Variants in RAB30 observed in about 807,000 individuals in gnomAD.
RAB30 encodes ras-related protein Rab-30.
In RAB30, 9 loss-of-function variants were observed where a neutral mutation model predicts 25.1. The observed-to-expected ratio is 0.36, with a 90% CI of 0.22 to 0.63. The LOEUF (loss-of-function observed/expected upper bound fraction) is 0.63. RAB30 is among the 20% of genes least tolerant of loss of function. The probability of loss-of-function intolerance (pLI) is 0.69; values close to 1 mark genes in which losing one functional copy is unlikely to be tolerated. For missense variants in RAB30, 140 were observed against 243.5 expected, an observed-to-expected ratio of 0.58 and a Z score of 2.83; for synonymous variants, 77 against 86.4, an observed-to-expected ratio of 0.89 and a Z score of 0.60.
At position 83,045,153 on chromosome 11, in the gene RAB30, G is replaced by A. The variant is rs184209393; in HGVS notation, c.-9+26538C>T. The stretch of plus-strand genomic sequence containing the variant: ...ACTGAACTCCCATTGACTCATCACC[G>A]GAAGTGTCAACTGTTTAAAGAAGGG... On this transcript the variant is annotated intron_variant, in intron 1 of 4. Transcript: ENST00000527633. 3.4e-3 allele frequency among the ~76,000 whole-genome samples: 524 copies of A among 152,196 alleles called. 10 individuals carry two copies. The highest frequency in any genetic ancestry group is 5.6e-3 in the East Asian group (29 of 5,188).
Position 82,973,802 on chromosome 11 carries a change from T to C in RAB30, c.*8363A>G, listed in dbSNP as rs1185046149. ...AAAACATACACCCATACAAAAAACT[T>C]TTACATAAATGTTCACAGCAGCATT... On this transcript the variant is annotated 3_prime_UTR_variant, in exon 5 of 5. Transcript: ENST00000527633. 6.6e-6 allele frequency: 1 copy of C among 152,176 alleles called. No individual in the cohort carries two copies. Among genetic ancestry groups the C allele is most frequent in the Non-Finnish European group, 1.5e-5 (1 of 68,014 alleles). 9.4% of individuals were successfully genotyped at this position (152,176 alleles called of 1,614,324 possible). A position where few individuals can be genotyped will look rare whatever the true frequency, so the allele number is the denominator to read the frequency against.
At position 83,064,220 on chromosome 11, in the gene RAB30, C is replaced by T. The variant is rs191357428; in HGVS notation, c.-9+7471G>A. 3.9e-5 allele frequency among the ~76,000 whole-genome samples: 6 copies of T among 152,262 alleles called. No homozygotes were observed. The East Asian group carries it at 1.2e-3, about 29-fold the overall frequency. ...CCTCCTGCCTCAGCCGCACCCTTCC[C>T]CATAGCTGGGACACAGGTGTGCGCC... On this transcript the variant is annotated intron_variant, in intron 1 of 4. Transcript: ENST00000527633.
At chr11:83,034,726 C>A (rs1857950342) in intron 1 of RAB30, 1 of 152,162 alleles carries the variant, frequency 6.6e-6, no homozygotes. Flanking sequence ...TGAGCACTTA[C>A]TATGTATCAG....
In RAB30 at chr11:82,992,237, C is replaced by T. The variant is rs1222106228; in HGVS notation, c.177+1802G>A. ...ACACTCCTGTCTCTCTTTCCTGTCC[C>T]CACAGCCTAGCTCCTTCTTCCCACC... is the stretch of plus-strand genomic sequence containing the variant. On this transcript the variant is annotated intron_variant, in intron 3 of 4. Transcript: ENST00000527633. The T allele has an allele frequency of 6.7e-6, 3 of 450,842 alleles. No individual in the cohort carries two copies. The Admixed American group carries it at 7.1e-5, about 11-fold the overall frequency. The allele number at this position is 450,842 out of a possible 1,614,324, so 27.9% of individuals were successfully genotyped here. A position where few individuals can be genotyped will look rare whatever the true frequency, so the allele number is the denominator to read the frequency against.
Position 82,982,926 on chromosome 11 carries a change from T to C in RAB30, c.362-511A>G, listed in dbSNP as rs1590831536. 3.3e-5 allele frequency among the ~76,000 whole-genome samples: 5 copies of C among 152,262 alleles called. No individual in the cohort carries two copies. The South Asian group carries it at 1.0e-3, about 32-fold the overall frequency. On this transcript the variant is annotated intron_variant, in intron 4 of 4. Transcript: ENST00000527633. ...TGGCAAGAACTGGAGACAACCCAAATGTCCATCGGTAGGGCACTGACTGAA... is the reference window on the plus strand; with the variant it reads ...TGGCAAGAACTGGAGACAACCCAAACGTCCATCGGTAGGGCACTGACTGAA...
intron 1 of RAB30, among the ~76,000 whole-genome samples, chr11:83,027,542 G>A (rs192380020): frequency 9.2e-5 from 14 of 152,186 alleles, no homozygotes; most frequent in Admixed American, 2.0e-4. Flanking sequence ...TCACCGTACC[G>A]TGAGGCTCAG....
At chr11:83,002,728 GT>G (rs1857111591) in intron 1 of RAB30, among the ~76,000 whole-genome samples, 1 of 152,028 alleles carries the variant, frequency 6.6e-6, no homozygotes. Context: ...AGGAGTTCAA[GT>G]TTGCAGTGAC....
chr11:83,032,087 G>A (rs1212375586), intron 1 of RAB30, among the ~76,000 whole-genome samples: 2 of 152,142 alleles, frequency 1.3e-5, no homozygotes, highest in African/African-American at 2.4e-5. Context: ...TATTCCATAT[G>A]TCCAGTGTGT....
rs1375351464 is a variant in RAB30 at position 82,973,478 on chromosome 11, T to C, written c.*8687A>G. The C allele has an allele frequency of 6.6e-6, 1 of 152,230 alleles. No individual in the cohort carries two copies. The highest frequency in any genetic ancestry group is 1.9e-4 in the East Asian group (1 of 5,204). 9.4% of individuals were successfully genotyped at this position (152,230 alleles called of 1,614,324 possible). A position where few individuals can be genotyped will look rare whatever the true frequency, so the allele number is the denominator to read the frequency against. On this transcript the variant is annotated 3_prime_UTR_variant, in exon 5 of 5. Coordinates refer to ENST00000527633, the MANE Select transcript of RAB30 (RefSeq NM_001286060.2). ...GAGTACTCTTATCCAGCATGATTTG[T>C]AGTTGTCCTTTAAACAATGCAGAGG...
At chr11:83,070,084 T>G (rs1590886656) in intron 1 of RAB30, among the ~76,000 whole-genome samples, 1 of 111,812 alleles carries the variant, frequency 8.9e-6, no homozygotes, top group African/African-American at 3.6e-5. Flanking sequence ...AAACTGCAAA[T>G]GGAGAGATAG....
At chr11:83,014,961 T>G (rs1314207987) in intron 1 of RAB30, among the ~76,000 whole-genome samples, 3 of 151,978 alleles carry the variant, frequency 2.0e-5, no homozygotes, top group Non-Finnish European at 4.4e-5. Flanking sequence ...ACAATGAGCT[T>G]GGCATGTTCA....
intron 1 of RAB30, among the ~76,000 whole-genome samples, chr11:83,066,741 G>A (rs1858708332): frequency 2.0e-5 from 3 of 152,084 alleles, no homozygotes; most frequent in South Asian, 2.1e-4. Flanking sequence ...TAGTAGAGAC[G>A]GGGTTTCACC....
chr11:83,032,839 CAT>C (rs555012175), intron 1 of RAB30, among the ~76,000 whole-genome samples: 32 of 152,132 alleles, frequency 2.1e-4, no homozygotes, highest in African/African-American at 7.7e-4. Flanking sequence ...TTGGGAGTAA[CAT>C]CAGGGAACAT....
At chr11:83,061,595 C>T (rs1173198414) in intron 1 of RAB30, among the ~76,000 whole-genome samples, 1 of 151,546 alleles carries the variant, frequency 6.6e-6, no homozygotes, top group Non-Finnish European at 1.5e-5. Context: ...TGTGTGTGTG[C>T]ACACGTGTGT....
intron 1 of RAB30, among the ~76,000 whole-genome samples, chr11:83,023,630 T>C (rs1177815264): frequency 1.3e-5 from 2 of 152,188 alleles, no homozygotes; most frequent in Non-Finnish European, 2.9e-5. Context: ...CCTTGGCTAA[T>C]ACATATCCAA....
intron 1 of RAB30, among the ~76,000 whole-genome samples, chr11:83,022,496 C>T (rs555387251): frequency 3.3e-5 from 5 of 152,260 alleles, no homozygotes; most frequent in Non-Finnish European, 7.4e-5. Context: ...TAGATCCCTT[C>T]CCTAGATATT....
intron 1 of RAB30, among the ~76,000 whole-genome samples, chr11:83,050,375 T>C (rs1858330606): frequency 6.6e-6 from 1 of 152,206 alleles, no homozygotes; most frequent in Non-Finnish European, 1.5e-5. Context: ...CTTGAGGTTC[T>C]ATAAGAGCCA....
rs529353623 is a variant in RAB30 at position 82,975,440 on chromosome 11, C to T, written c.*6725G>A. The T allele has an allele frequency of 6.4e-4, 97 of 152,238 alleles. 2 individuals are homozygous for T. Among genetic ancestry groups the T allele is most frequent in the African/African-American group, 2.2e-3 (92 of 41,550 alleles). 9.4% of individuals were successfully genotyped at this position (152,238 alleles called of 1,614,324 possible). On this transcript the variant is annotated 3_prime_UTR_variant, in exon 5 of 5. Transcript: ENST00000527633. The stretch of plus-strand genomic sequence containing the variant: ...GTAGATTATCTTTTGCTTTTCTGTA[C>T]ATGAATTTTTTCTTTATTAGGCATT...
At chr11:83,053,967 G>A (rs1050188591) in intron 1 of RAB30, among the ~76,000 whole-genome samples, 1 of 152,206 alleles carries the variant, frequency 6.6e-6, no homozygotes, top group Non-Finnish European at 1.5e-5. Flanking sequence ...GCATATGCCT[G>A]TAATCCCAGC....
Sources: gnomAD v4.1 joint callset for allele counts (sites outside exome capture counted in the v4.1 genomes callset) on GRCh38, gnomAD v4.1.1 for gene constraint, MANE v1.5 for transcripts, NCBI Gene and HGNC (gene_info 2026-07-23, HGNC 2026-07-21) for gene names.